ACBD5: variants seen among roughly 807,000 people sequenced by gnomAD.
The protein encoded by ACBD5 is acyl-CoA binding domain containing 5.
Under a neutral mutation model 71.8 loss-of-function variants are expected in ACBD5, and 40 were observed. The ratio of observed to expected loss-of-function variants is 0.56; its 90% CI spans 0.43 to 0.72. The LOEUF (loss-of-function observed/expected upper bound fraction) is 0.72, where lower values mean the gene tolerates loss of function less well. Among genes scored for constraint, ACBD5 ranks in the 30% least tolerant of loss-of-function variants. The pLI, the probability that ACBD5 is intolerant of heterozygous loss-of-function variation, is 0.00. For synonymous variants in ACBD5, 229 were observed against 218.6 expected (o/e 1.05, Z -0.42); for missense variants, 559 against 644.5 (o/e 0.87, Z 1.44).
chr10:27,200,438 TTCTTTTTTCTC>T (rs1275933460), intron 12 of ACBD5, among the ~76,000 whole-genome samples: 6 of 152,064 alleles, frequency 3.9e-5, no homozygotes, highest in African/African-American at 1.4e-4. Context: ...TCCCTCTACT[TTCTTTTTTCTC>T]TCTTTTTTTT....
At chr10:27,203,193 C>T (rs1356077723) in intron 12 of ACBD5, among the ~76,000 whole-genome samples, 1 of 151,314 alleles carries the variant, frequency 6.6e-6, no homozygotes, top group East Asian at 1.9e-4. Flanking sequence ...ACTTTCTTGC[C>T]CAGGCTGTTC....
chr10:27,195,287 C>A lies in ACBD5; in HGVS notation c.*2143G>T. The A allele has an allele frequency of 2.3e-6, 1 of 436,320 alleles. No homozygotes were observed. The highest frequency in any genetic ancestry group is 1.7e-5 in the South Asian group (1 of 59,444). The allele number at this position is 436,320 out of a possible 1,614,324, so 27.0% of individuals were successfully genotyped here. A position where few individuals can be genotyped will look rare whatever the true frequency, so the allele number is the denominator to read the frequency against. On this transcript the variant is annotated 3_prime_UTR_variant, in exon 13 of 13. Transcript: ENST00000396271. ...AAAAGAAGTTATCATTAAAAAAATACCATAGCTGTCAAGTTTAAATGAGGT... is the reference window on the plus strand; with the variant it reads ...AAAAGAAGTTATCATTAAAAAAATAACATAGCTGTCAAGTTTAAATGAGGT...
chr10:27,230,513 T>C (rs2063709233), intron 4 of ACBD5, among the ~76,000 whole-genome samples: 1 of 152,098 alleles, frequency 6.6e-6, no homozygotes, highest in Non-Finnish European at 1.5e-5. Flanking sequence ...TAAAAAAGTC[T>C]CTGCCGGGCA....
chr10:27,207,709 T>TTTTA lies in ACBD5; in HGVS notation c.1404+533_1404+536dup, dbSNP rs552511867. On this transcript the variant is annotated intron_variant, in intron 10 of 12. Transcript: ENST00000396271. Reference sequence around the variant, plus strand: ...TATCTCTTCCTATGAACCCTTTTCATTTTATTTATTTATTTATTTACTTAC... The same window carrying TTTTA: ...TATCTCTTCCTATGAACCCTTTTCATTTTATTTATTTATTTATTTATTTACTTAC... Among the ~76,000 whole-genome samples the TTTTA allele has an allele frequency of 2.2e-4, 33 of 152,180 alleles. No homozygotes were observed. In the East Asian group the frequency reaches 4.6e-3, roughly 21 times the overall value.
rs60724833 is a variant in ACBD5, at chr10:27,237,621, C to CTTT, written c.182-2412_182-2410dup. Among the ~76,000 whole-genome samples, 723 of 133,670 alleles carry CTTT rather than the reference C, an allele frequency of 5.4e-3. 43 individuals are homozygous for CTTT. Among genetic ancestry groups the CTTT allele is most frequent in the African/African-American group, 0.014 (510 of 37,378 alleles). 87.7% of individuals were successfully genotyped at this position (133,670 alleles called of 152,430 possible). A position where few individuals can be genotyped will look rare whatever the true frequency, so the allele number is the denominator to read the frequency against. On this transcript the variant is annotated intron_variant, in intron 2 of 12. Coordinates refer to ENST00000396271, the MANE Select transcript of ACBD5 (RefSeq NM_145698.5). ...ACACAAGTACCATTTGATAGGATAT[C>CTTT]TTTTTTTTTTTTTTTTGAGTTGGAG... is the stretch of plus-strand genomic sequence containing the variant.
chr10:27,228,391 T>C (rs1313279402), intron 4 of ACBD5, among the ~76,000 whole-genome samples: 8 of 151,386 alleles, frequency 5.3e-5, no homozygotes, highest in Non-Finnish European at 8.8e-5. Context: ...CTGGCCAACA[T>C]AGTTTGAAAC....
chr10:27,212,936 C>T (rs2061260225), intron 8 of ACBD5, among the ~76,000 whole-genome samples: 1 of 151,978 alleles, frequency 6.6e-6, no homozygotes, highest in African/African-American at 2.4e-5. Flanking sequence ...GATTTAATTG[C>T]ATTATGAAAT....
chr10:27,221,917 C>CAA (rs56253187), intron 5 of ACBD5, among the ~76,000 whole-genome samples: 72 of 77,108 alleles, frequency 9.3e-4, no homozygotes, highest in African/African-American at 1.8e-3. Flanking sequence ...GACTCCATCT[C>CAA]AAAAAAAAAA....
intron 12 of ACBD5, among the ~76,000 whole-genome samples, chr10:27,201,687 C>T (rs937553410): frequency 6.6e-6 from 1 of 152,088 alleles, no homozygotes; most frequent in African/African-American, 2.4e-5. Context: ...CCTGTAGTTC[C>T]AGCTACTCAG....
downstream of ACBD5, among the ~76,000 whole-genome samples, chr10:27,194,589 G>C (rs1353553016): frequency 6.8e-6 from 1 of 147,380 alleles, no homozygotes; most frequent in South Asian, 2.1e-4. Context: ...TCCAGCCTGG[G>C]CGGCAGAGCA....
In ACBD5 at chr10:27,196,771, G is replaced by T; in HGVS notation, c.*659C>A. On this transcript the variant is annotated 3_prime_UTR_variant, in exon 13 of 13. Transcript: ENST00000396271. ...CATTCTTCACCATTTCCATCAGTGG[G>T]TTATGTCTAGCCTGCAAATCATTTG... 2.2e-6 allele frequency: 1 copy of T among 454,158 alleles called. No individual in the cohort carries two copies. The highest frequency in any genetic ancestry group is 4.4e-6 in the Non-Finnish European group (1 of 226,758). The allele number at this position is 454,158 out of a possible 1,614,324, so 28.1% of individuals were successfully genotyped here.
At chr10:27,233,870 C>T (rs1417919749) in intron 3 of ACBD5, among the ~76,000 whole-genome samples, 1 of 152,144 alleles carries the variant, frequency 6.6e-6, no homozygotes, top group African/African-American at 2.4e-5. Flanking sequence ...CATGGAGAAA[C>T]CCTGTCTCTA....
At chr10:27,199,868 T>C (rs1051706507) in intron 12 of ACBD5, among the ~76,000 whole-genome samples, 1 of 152,078 alleles carries the variant, frequency 6.6e-6, no homozygotes, top group African/African-American at 2.4e-5. Flanking sequence ...GGCGGGCGCC[T>C]GTAGTCCCAG....
At position 27,210,896 on chromosome 10, in the gene ACBD5, A is replaced by T. The variant is rs769105525; in HGVS notation, c.1122T>A (p.Asp374Glu). ...GKGEVKHGGE[D>E]GRNNSGAPHR... ...GTGGTGCTCCGCTGTTATTCCTGCC[A>T]TCTTCTCCTCCATGCTTGACTTCAC... The change falls in exon 9 of 13, where the codon GAT (aspartate) becomes GAA (glutamate). Residue 374 changes from aspartate to glutamate, a missense_variant. By Grantham distance (45) the Asp-to-Glu change is conservative. Coordinates refer to ENST00000396271, the MANE Select transcript of ACBD5 (RefSeq NM_145698.5). The T allele has an allele frequency of 6.2e-7, 1 of 1,614,072 alleles. No individual in the cohort carries two copies. The highest frequency in any genetic ancestry group is 8.5e-7 in the Non-Finnish European group (1 of 1,180,040).
chr10:27,230,153 C>T (rs1473125156), intron 4 of ACBD5, among the ~76,000 whole-genome samples: 3 of 150,752 alleles, frequency 2.0e-5, no homozygotes, highest in Non-Finnish European at 3.0e-5. Context: ...GATTACCTTT[C>T]ATTCTCTGCT....
intron 8 of ACBD5, among the ~76,000 whole-genome samples, chr10:27,213,759 GA>G (rs35912974): frequency 0.64 from 86,901 of 135,634 alleles, 29,875 homozygotes; most frequent in Non-Finnish European, 0.8. Context: ...CTCCGCCTCA[GA>G]AAAAAAAAAA....
In ACBD5 at chr10:27,223,446, C is replaced by T. The variant is rs1217409899; in HGVS notation, c.382G>A (p.Glu128Lys). The T allele has an allele frequency of 6.2e-7, 1 of 1,609,822 alleles. No homozygotes were observed. The highest frequency in any genetic ancestry group is 1.1e-5 in the South Asian group (1 of 91,016). ...ACTTTCTCAGTCATTGGCATAGTTT[C>T]AATAATCTGTAATCAAAAGAAACAA... ...AYVEEMKKII[E>K]TMPMTEKVEE... The change falls in exon 5 of 13, where the codon GAA becomes AAA. Residue 128 changes from glutamate to lysine, a missense_variant. Physicochemically the swap from Glu to Lys is moderately conservative, Grantham distance 56. Transcript: ENST00000396271.
At chr10:27,221,536 G>A (rs1363399823) in intron 5 of ACBD5, among the ~76,000 whole-genome samples, 2 of 152,022 alleles carry the variant, frequency 1.3e-5, no homozygotes, top group African/African-American at 4.8e-5. Context: ...ATCTGCCTCT[G>A]GCCAGTGGCT....
downstream of ACBD5, among the ~76,000 whole-genome samples, chr10:27,191,744 G>A (rs1263284457): frequency 6.6e-6 from 1 of 152,054 alleles, no homozygotes; most frequent in Non-Finnish European, 1.5e-5. Context: ...AATTAGCTGG[G>A]TGTGTGGTGG....
Sources: allele counts gnomAD v4.1 joint callset (sites outside exome capture counted in the v4.1 genomes callset), GRCh38; gene constraint gnomAD v4.1.1; transcripts MANE v1.5; gene names NCBI Gene and HGNC (gene_info 2026-07-23, HGNC 2026-07-21).